The following FAM171A1 variants were observed in gnomAD, a reference collection of about 807,000 sequenced individuals.
The protein encoded by FAM171A1 is family with sequence similarity 171 member A1.
A neutral mutation model predicts 74.9 loss-of-function variants in FAM171A1; 23 were observed. The ratio of observed to expected loss-of-function variants is 0.31; its 90% CI spans 0.22 to 0.44. The LOEUF (loss-of-function observed/expected upper bound fraction) is 0.44. Among genes scored for constraint, FAM171A1 ranks in the 20% least tolerant of loss-of-function variants. FAM171A1 has a pLI of 1.00. For synonymous variants in FAM171A1, 527 were observed against 505.7 expected (o/e 1.04, Z -0.57); for missense variants, 1,162 against 1,159.2 (o/e 1.00, Z -0.03).
In FAM171A1 at chr10:15,370,959, G is replaced by A; in HGVS notation, c.94C>T (p.Gln32Ter). 1.7e-6 allele frequency: 2 copies of A among 1,171,030 alleles called. No individual in the cohort carries two copies. Among genetic ancestry groups the A allele is most frequent in the Non-Finnish European group, 2.2e-6 (2 of 927,814 alleles). The allele number at this position is 1,171,030 out of a possible 1,614,324, so 72.5% of individuals were successfully genotyped here. A position where few individuals can be genotyped will look rare whatever the true frequency, so the allele number is the denominator to read the frequency against. Residue 32 changes from glutamine to a stop codon, truncating the protein, a stop_gained, in exon 1 of 8, where the codon CAA (glutamine) becomes TAA (stop). Transcript: ENST00000378116. LOFTEE classifies it high-confidence loss of function. ...GGCCCCGCCGCCGCCCACTGACCTT[G>A]GGCTCCGGCGCCGGGCTCCCGCAGC... ...KTLREPGAGAQEVTLKVHISD... is the reference protein window; with the variant it reads ...KTLREPGAGA
chr10:15,231,059 G>C (rs1426218782), intron 5 of FAM171A1, among the ~76,000 whole-genome samples: 1 of 152,186 alleles, frequency 6.6e-6, no homozygotes, highest in Non-Finnish European at 1.5e-5. Flanking sequence ...AATTTGCAGA[G>C]AATAACTGAG....
Position 15,213,615 on chromosome 10 carries a change from G to C in FAM171A1, c.1973C>G (p.Pro658Arg), listed in dbSNP as rs1047004779. ...LQDAGTREWS[P>R]QNASMSESLS... is the part of the protein sequence containing the mutation. ...AGACTCCGACATGGATGCGTTCTGA[G>C]GGCTCCACTCCCGGGTGCCCGCATC... Residue 658 changes from proline (P) to arginine (R), a missense_variant, in exon 8 of 8, where the codon CCT (proline) becomes CGT (arginine). By Grantham distance (103) the Pro-to-Arg change is moderately radical. Coordinates refer to ENST00000378116, the MANE Select transcript of FAM171A1 (RefSeq NM_001010924.2). The surrounding 1 kb of genome is among the most constrained non-coding windows in gnomAD (Gnocchi z 6.8). 11 of 1,614,186 alleles carry C rather than the reference G, an allele frequency of 6.8e-6. No individual in the cohort carries two copies. Among genetic ancestry groups the C allele is most frequent in the Non-Finnish European group, 9.3e-6 (11 of 1,180,038 alleles).
intron 3 of FAM171A1, among the ~76,000 whole-genome samples, chr10:15,257,484 G>A (rs909189663): frequency 1.3e-5 from 2 of 152,080 alleles, no homozygotes; most frequent in African/African-American, 4.8e-5. Flanking sequence ...GTGCCTTCTC[G>A]AGCAGATCAA....
intron 1 of FAM171A1, among the ~76,000 whole-genome samples, chr10:15,340,590 C>T (rs563231232): frequency 3.3e-5 from 5 of 152,290 alleles, no homozygotes; most frequent in Middle Eastern, 3.4e-3. Context: ...GACACCTTCA[C>T]GCACTGTGAG....
chr10:15,245,889 T>C (rs564803769), intron 5 of FAM171A1, among the ~76,000 whole-genome samples: 65 of 152,322 alleles, frequency 4.3e-4, no homozygotes, highest in African/African-American at 1.5e-3. Flanking sequence ...GAACCCAGGT[T>C]TTCAGGAAAC....
chr10:15,285,349 CT>C (rs1441554081), intron 1 of FAM171A1, among the ~76,000 whole-genome samples: 1 of 152,146 alleles, frequency 6.6e-6, no homozygotes, highest in Non-Finnish European at 1.5e-5. Context: ...AAGGATTATT[CT>C]TTATTCTAAA....
chr10:15,323,857 A>G (rs552428485), intron 1 of FAM171A1, among the ~76,000 whole-genome samples: 1 of 152,188 alleles, frequency 6.6e-6, no homozygotes, highest in African/African-American at 2.4e-5. Context: ...AAAAAAAAAA[A>G]ATCCTTAAAC....
chr10:15,276,106 C>T (rs552702461), intron 2 of FAM171A1, among the ~76,000 whole-genome samples, 159 bp from the exon 3 acceptor site: 3 of 152,302 alleles, frequency 2.0e-5, no homozygotes, highest in African/African-American at 7.2e-5. Flanking sequence ...CAAAATGCTA[C>T]AAGTGTATTG....
At chr10:15,258,493 C>T (rs1215332816) in intron 3 of FAM171A1, among the ~76,000 whole-genome samples, 1 of 152,188 alleles carries the variant, frequency 6.6e-6, no homozygotes, top group Admixed American at 6.5e-5. Context: ...TCCTCCCCAA[C>T]CAACAAAAAT....
intron 4 of FAM171A1, among the ~76,000 whole-genome samples, chr10:15,250,528 G>A (rs1027597320): frequency 2.6e-4 from 40 of 152,220 alleles, no homozygotes; most frequent in African/African-American, 9.6e-4. Context: ...TTGGGAGGCC[G>A]AGGCAGGTTG....
chr10:15,261,753 G>C (rs558841504), intron 3 of FAM171A1, among the ~76,000 whole-genome samples: 69 of 152,252 alleles, frequency 4.5e-4, no homozygotes, highest in Admixed American at 2.0e-3. Context: ...GGGAAGTGAA[G>C]GAACTCTCTG....
rs145483085 is a variant in FAM171A1, at chr10:15,347,902, G to C, written c.97+23054C>G. Among the ~76,000 whole-genome samples the C allele has an allele frequency of 4.3e-3, 646 of 150,314 alleles. 2 individuals carry two copies. The highest frequency in any genetic ancestry group is 0.012 in the African/African-American group (494 of 40,760). ...CTGCAGAATTCCTTCCACATGATTT[G>C]CGTTCTACCCCAATGCTTGACATAC... On this transcript the variant is annotated intron_variant, in intron 1 of 7. Transcript: ENST00000378116.
In FAM171A1 at chr10:15,253,730, C is replaced by G. The variant is rs146705266; in HGVS notation, c.577+991G>C. Among the ~76,000 whole-genome samples the G allele has an allele frequency of 5.9e-5, 9 of 152,160 alleles. No individual in the cohort carries two copies. The East Asian group carries it at 1.7e-3, about 29-fold the overall frequency. On this transcript the variant is annotated intron_variant, in intron 4 of 7. Coordinates refer to ENST00000378116, the MANE Select transcript of FAM171A1 (RefSeq NM_001010924.2). The stretch of plus-strand genomic sequence containing the variant: ...CCTAGCAGAATGCAACTCAGAACAG[C>G]CTTTGATTTAAAATTTTAATGCTGT...
chr10:15,213,858 A>G lies in FAM171A1; in HGVS notation c.1730T>C (p.Val577Ala). ...DQVNDSVYRK[V>A]LPALVIPAHY... ...AGCCGGGATGACCAAGGCAGGCAGT[A>G]CTTTCCTGTAAACGCTGTCATTGAC... The change falls in exon 8 of 8, where the codon GTA becomes GCA. Residue 577 changes from valine (V) to alanine (A), a missense_variant. Val to Ala is a moderately conservative substitution (Grantham distance 64). Transcript: ENST00000378116. This position sits in a 1 kb window ranked among gnomAD's most constrained non-coding sequence, Gnocchi z 6.8. 1.2e-6 allele frequency: 2 copies of G among 1,614,152 alleles called. No homozygotes were observed. The highest frequency in any genetic ancestry group is 1.7e-6 in the Non-Finnish European group (2 of 1,180,040).
intron 5 of FAM171A1, among the ~76,000 whole-genome samples, chr10:15,246,151 T>C (rs1180077154): frequency 6.6e-6 from 1 of 151,866 alleles, no homozygotes; most frequent in Non-Finnish European, 1.5e-5. Context: ...GCAGGATATG[T>C]GAACAGATTA....
chr10:15,317,496 G>T (rs562906280), intron 1 of FAM171A1, among the ~76,000 whole-genome samples: 1 of 152,252 alleles, frequency 6.6e-6, no homozygotes, highest in South Asian at 2.1e-4. Context: ...CCAGGTTCAA[G>T]CGACTCTCCT....
At chr10:15,302,772 C>A (rs555398554) in intron 1 of FAM171A1, among the ~76,000 whole-genome samples, 10 of 152,278 alleles carry the variant, frequency 6.6e-5, no homozygotes, top group African/African-American at 2.2e-4. Flanking sequence ...ATTTAACATT[C>A]AAAAATGTGC....
intron 1 of FAM171A1, among the ~76,000 whole-genome samples, chr10:15,286,756 C>T (rs772315448): frequency 6.6e-6 from 1 of 152,146 alleles, no homozygotes; most frequent in Non-Finnish European, 1.5e-5. Context: ...ATCTTTCACC[C>T]ATTTTTTCCA....
rs183420533 is a variant in FAM171A1, at chr10:15,263,958, T to C, written c.419-9079A>G. On this transcript the variant is annotated intron_variant, in intron 3 of 7. Coordinates refer to ENST00000378116, the MANE Select transcript of FAM171A1 (RefSeq NM_001010924.2). ...GTCCATCCATCCATCCAACCATCCA[T>C]CTACCTACCTACCTACCAACAAAAC... Among the ~76,000 whole-genome samples, 424 of 151,774 alleles carry C rather than the reference T, an allele frequency of 2.8e-3. 2 individuals carry two copies. The highest frequency in any genetic ancestry group is 9.7e-3 in the African/African-American group (399 of 41,330).
Sources: allele counts gnomAD v4.1 joint callset (sites outside exome capture counted in the v4.1 genomes callset), GRCh38; gene constraint gnomAD v4.1.1; non-coding constraint Gnocchi (gnomAD v3.1); transcripts MANE v1.5; gene names NCBI Gene and HGNC (gene_info 2026-07-23, HGNC 2026-07-21).